The following UQCRC1 variants were observed in gnomAD, a reference collection of about 807,000 sequenced individuals.
UQCRC1 encodes cytochrome b-c1 complex subunit 1, mitochondrial.
Under a neutral mutation model 58.0 loss-of-function variants are expected in UQCRC1, and 34 were observed. That is an observed-to-expected ratio of 0.59 (90% CI 0.45 to 0.78). The LOEUF is 0.78. UQCRC1 is among the 30% of genes least tolerant of loss of function. The probability of loss-of-function intolerance (pLI) is 0.00; values close to 1 mark genes in which losing one functional copy is unlikely to be tolerated. For synonymous variants in UQCRC1, 276 were observed against 248.8 expected (o/e 1.11, Z -1.03); for missense variants, 610 against 646.0 (o/e 0.94, Z 0.60).
In UQCRC1 at chr3:48,604,686, T is replaced by C. The variant is rs778389625; in HGVS notation, c.392A>G (p.Tyr131Cys). ...ATCCTTGGACAGCGCCTTGATGTAG[T>C]AAGCTGTGTGCTCCCGGGTGCTGTA... ...NAYSTREHTA[Y>C]YIKALSKDLP... The change falls in exon 4 of 13, where the codon TAC becomes TGC. Residue 131 changes from tyrosine to cysteine, a missense_variant. Tyr to Cys is a radical substitution (Grantham distance 194). Transcript: ENST00000203407. The C allele has an allele frequency of 7.4e-6, 12 of 1,614,068 alleles. No homozygotes were observed. The highest frequency in any genetic ancestry group is 1.3e-5 in the African/African-American group (1 of 74,922).
Position 48,600,481 on chromosome 3 carries a change from C to T in UQCRC1, c.1213+1G>A, listed in dbSNP as rs1290786113. 6.2e-7 allele frequency: 1 copy of T among 1,614,056 alleles called. No individual in the cohort carries two copies. The highest frequency in any genetic ancestry group is 8.5e-7 in the Non-Finnish European group (1 of 1,180,040). ...CCTCCCCGCTGAGCTGTAGGACTCA[C>T]CATCTAGATGAGATACCAGGGCATT... On this transcript the variant is annotated splice_donor_variant, in intron 10 of 12. Transcript: ENST00000203407. LOFTEE classifies it high-confidence loss of function.
chr3:48,599,195 G>T lies in UQCRC1; in HGVS notation c.1379-3C>A. The stretch of plus-strand genomic sequence containing the variant: ...GTCTGGGAGCTGCTCAATGGGGCCT[G>T]TGGGGATAGGGTGGAGCGTCAGGGT... On this transcript the variant is annotated splice_region_variant and splice_polypyrimidine_tract_variant and intron_variant, in intron 12 of 12. Coordinates refer to ENST00000203407, the MANE Select transcript of UQCRC1 (RefSeq NM_003365.3). 1 of 1,601,998 alleles carries T rather than the reference G, an allele frequency of 6.2e-7. No homozygotes were observed. The highest frequency in any genetic ancestry group is 1.3e-5 in the African/African-American group (1 of 74,886).
At chr3:48,601,851 T>C (rs1331164326) in intron 6 of UQCRC1, among the ~76,000 whole-genome samples, 1 of 152,218 alleles carries the variant, frequency 6.6e-6, no homozygotes, top group African/African-American at 2.4e-5. Flanking sequence ...CCCTCAAGTA[T>C]TTCTGGCTGC....
chr3:48,600,815 C>G lies in UQCRC1; in HGVS notation c.992G>C (p.Gly331Ala), dbSNP rs1012297268. 2 of 1,614,040 alleles carry G rather than the reference C, an allele frequency of 1.2e-6. No individual in the cohort carries two copies. Among genetic ancestry groups the G allele is most frequent in the Admixed American group, 1.7e-5 (1 of 60,034 alleles). ...CTGGCATAGCTTGTTGGCCACAGCA[C>G]CTGAAGCCAGTGGGCTGGACAGGTG... The part of the protein sequence containing the change: ...GVHLSSPLAS[G>A]AVANKLCQSF... Residue 331 changes from glycine to alanine, a missense_variant, in exon 9 of 13, where the codon GGT becomes GCT. Physicochemically the swap from Gly to Ala is moderately conservative, Grantham distance 60. Transcript: ENST00000203407.
At chr3:48,605,263 G>A (rs368267996) in intron 3 of UQCRC1, among the ~76,000 whole-genome samples, 31 of 152,170 alleles carry the variant, frequency 2.0e-4, no homozygotes, top group African/African-American at 6.0e-4. Flanking sequence ...CTATCTCTTG[G>A]TGTGCACACA....
chr3:48,605,980 G>C (rs1416544420), intron 2 of UQCRC1, 124 bp from the exon 3 acceptor site: 8 of 899,644 alleles, frequency 8.9e-6, no homozygotes, highest in Non-Finnish European at 1.2e-5. Context: ...GTCAGGGAGA[G>C]CTGCCCCAGC....
intron 12 of UQCRC1, 199 bp from the exon 13 acceptor site, chr3:48,599,391 G>A: frequency 1.4e-6 from 1 of 709,900 alleles, no homozygotes; most frequent in Non-Finnish European, 2.3e-6. Flanking sequence ...ACCCCACATG[G>A]AGGTGCCCGT....
Position 48,599,147 on chromosome 3 carries a change from A to G in UQCRC1, c.1424T>C (p.Met475Thr). 1.2e-6 allele frequency: 2 copies of G among 1,611,630 alleles called. No homozygotes were observed. Among genetic ancestry groups the G allele is most frequent in the Non-Finnish European group, 1.7e-6 (2 of 1,178,566 alleles). Reference protein sequence around the residue: ...LPDYNRIRSGMFWLRF With the variant: ...LPDYNRIRSGTFWLRF ...TCCCGCCTAGAAGCGCAGCCAGAAC[A>G]TGCCGCTACGGATCCGGTTGTAGTC... The change falls in exon 13 of 13, where the codon ATG (methionine) becomes ACG (threonine). Residue 475 changes from methionine (M) to threonine (T), a missense_variant. Met to Thr is a moderately conservative substitution (Grantham distance 81). Coordinates refer to ENST00000203407, the MANE Select transcript of UQCRC1 (RefSeq NM_003365.3).
chr3:48,604,411 T>C lies in UQCRC1; in HGVS notation c.448A>G (p.Ile150Val), dbSNP rs757479257. The C allele has an allele frequency of 8.7e-6, 14 of 1,614,124 alleles. No individual in the cohort carries two copies. The highest frequency in any genetic ancestry group is 1.1e-5 in the Non-Finnish European group (13 of 1,180,006). ...TCTTCCAGACTACAGTTCTGCACAA[T>C]GTCACCCAGGAGCTCCACAGCTAGA... ...LPKAVELLGD[I>V]VQNCSLEDSQ... Residue 150 changes from isoleucine (I) to valine (V), a missense_variant, in exon 5 of 13, where the codon ATT becomes GTT. Transcript: ENST00000203407.
Position 48,599,701 on chromosome 3 carries a change from C to A in UQCRC1, c.1312G>T (p.Ala438Ser), listed in dbSNP as rs770254127. The change falls in exon 12 of 13, where the codon GCC becomes TCC. Residue 438 changes from alanine (A) to serine (S), a missense_variant. Physicochemically the swap from Ala to Ser is moderately conservative, Grantham distance 99 (BLOSUM62 1). Coordinates refer to ENST00000203407, the MANE Select transcript of UQCRC1 (RefSeq NM_003365.3). ...GAGCAGATCTCACGTACCACACTGG[C>A]ATCCACCTCCTGCAGGGTGAGGCAG... The part of the protein sequence containing the change: ...EWESRIAEVD[A>S]SVVREICSKY... The A allele has an allele frequency of 9.3e-6, 15 of 1,613,682 alleles. No homozygotes were observed. Among genetic ancestry groups the A allele is most frequent in the Middle Eastern group, 1.6e-4 (1 of 6,084 alleles).
chr3:48,603,654 T>C lies in UQCRC1; in HGVS notation c.627-11A>G, dbSNP rs1156348844. 2.0e-5 allele frequency: 33 copies of C among 1,612,894 alleles called. No individual in the cohort carries two copies. The highest frequency in any genetic ancestry group is 2.6e-5 in the Non-Finnish European group (31 of 1,179,552). On this transcript the variant is annotated splice_polypyrimidine_tract_variant and intron_variant, in intron 5 of 12. Transcript: ENST00000203407. ...GCACGAGACAGCTTCCTACAAGACA[T>C]ATGGTCAGTGTGTCAACACCTCTAC...
At chr3:48,603,262 G>A (rs1037106488) in intron 6 of UQCRC1, among the ~76,000 whole-genome samples, 7 of 152,154 alleles carry the variant, frequency 4.6e-5, no homozygotes, top group South Asian at 2.1e-4. Context: ...AGGCCACAAG[G>A]AACAAGGCCA....
chr3:48,604,885 C>T, intron 3 of UQCRC1, 105 bp from the exon 4 acceptor site: 1 of 1,493,778 alleles, frequency 6.7e-7, no homozygotes, highest in Non-Finnish European at 9.1e-7. Flanking sequence ...ACAGGTACCT[C>T]CCTCAGCATA....
At chr3:48,606,798 G>A (rs943591534) in intron 2 of UQCRC1, among the ~76,000 whole-genome samples, 31 of 150,710 alleles carry the variant, frequency 2.1e-4, no homozygotes, top group African/African-American at 6.3e-4. Context: ...TTGGTCACAC[G>A]GTCTAGTCTT....
intron 12 of UQCRC1, 96 bp from the exon 13 acceptor site, chr3:48,599,288 C>A: frequency 7.6e-7 from 1 of 1,319,696 alleles, no homozygotes; most frequent in Admixed American, 2.3e-5. Flanking sequence ...CTGCCCAGAG[C>A]AGCACAAGAC....
At chr3:48,607,594 T>C (rs1264662089) in intron 2 of UQCRC1, among the ~76,000 whole-genome samples, 2 of 151,716 alleles carry the variant, frequency 1.3e-5, no homozygotes, top group Non-Finnish European at 2.9e-5. Context: ...GGCCTTGCTC[T>C]GTCACCCAGG....
chr3:48,599,596 G>C, intron 12 of UQCRC1, 39 bp downstream of exon 12: 1 of 1,608,572 alleles, frequency 6.2e-7, no homozygotes, highest in South Asian at 1.1e-5. Context: ...AGAACGGCCT[G>C]AGGAAATAAA....
intron 6 of UQCRC1, among the ~76,000 whole-genome samples, chr3:48,602,037 C>T (rs2046370414): frequency 1.3e-5 from 2 of 151,492 alleles, no homozygotes; most frequent in Non-Finnish European, 2.9e-5. Context: ...TCTGTGGTGC[C>T]ACCAGTTGCA....
Position 48,599,294 on chromosome 3 carries a change from A to C in UQCRC1, c.1379-102T>G. On this transcript the variant is annotated intron_variant, in intron 12 of 12. Coordinates refer to ENST00000203407, the MANE Select transcript of UQCRC1 (RefSeq NM_003365.3). ...TCGGAGATGCTGCCCAGAGCAGCAC[A>C]AGACAGGCTTTGAGTGGAAAGAGAG... 9 of 1,303,202 alleles carry C rather than the reference A, an allele frequency of 6.9e-6. 1 individual carries two copies. The Middle Eastern group carries it at 1.2e-3, about 171-fold the overall frequency. The allele number at this position is 1,303,202 out of a possible 1,614,324, so 80.7% of individuals were successfully genotyped here. A position where few individuals can be genotyped will look rare whatever the true frequency, so the allele number is the denominator to read the frequency against.
Sources: allele counts gnomAD v4.1 joint callset (sites outside exome capture counted in the v4.1 genomes callset), GRCh38; gene constraint gnomAD v4.1.1; transcripts MANE v1.5; gene names NCBI Gene and HGNC (gene_info 2026-07-23, HGNC 2026-07-21).